DLGAP2: variants seen among roughly 807,000 people sequenced by gnomAD.
The protein encoded by DLGAP2 is disks large-associated protein 2.
Under a neutral mutation model 100.3 loss-of-function variants are expected in DLGAP2, and 26 were observed. The observed-to-expected ratio is 0.26, with a 90% confidence interval of 0.19 to 0.36. The LOEUF is 0.36. DLGAP2 is among the 10% of genes least tolerant of loss of function. The pLI, the probability that DLGAP2 is intolerant of heterozygous loss-of-function variation, is 1.00. For synonymous variants in DLGAP2, 886 were observed against 630.1 expected (o/e 1.41, Z -6.08); for missense variants, 1,858 against 1,453.2 (o/e 1.28, Z -4.53).
At chr8:1,474,205 T>C (rs1037301609) in intron 3 of DLGAP2, among the ~76,000 whole-genome samples, 2 of 152,200 alleles carry the variant, frequency 1.3e-5, no homozygotes, top group African/African-American at 4.8e-5. Flanking sequence ...TTGAGAATGA[T>C]ATTATTTTAT....
At chr8:882,013 G>GT (rs1190388918) in intron 1 of DLGAP2, among the ~76,000 whole-genome samples, 2 of 152,148 alleles carry the variant, frequency 1.3e-5, no homozygotes, top group East Asian at 3.9e-4. Context: ...GAGGGCATAA[G>GT]TGCTCACCTG....
intron 2 of DLGAP2, among the ~76,000 whole-genome samples, chr8:1,168,116 G>T (rs1427279901): frequency 7.0e-6 from 1 of 142,340 alleles, no homozygotes; most frequent in Non-Finnish European, 1.5e-5. Flanking sequence ...CCACCTATGA[G>T]TGAGAATCTG....
chr8:1,626,383 G>A (rs1320117526), intron 6 of DLGAP2, among the ~76,000 whole-genome samples: 2 of 118,272 alleles, frequency 1.7e-5, no homozygotes, highest in Non-Finnish European at 3.5e-5. Context: ...TCTGGGTGTG[G>A]GTTGGACGGC....
intron 2 of DLGAP2, among the ~76,000 whole-genome samples, chr8:914,249 G>A (rs1047468153): frequency 2.0e-5 from 3 of 152,200 alleles, no homozygotes; most frequent in African/African-American, 7.2e-5. Flanking sequence ...CAGATGCCCC[G>A]GAGCCTCCCC....
At chr8:917,157 C>T (rs377131162) in intron 2 of DLGAP2, among the ~76,000 whole-genome samples, 1 of 152,144 alleles carries the variant, frequency 6.6e-6, no homozygotes, top group Non-Finnish European at 1.5e-5. Flanking sequence ...TGAGTCACCC[C>T]TTTTGCCTAT....
At chr8:1,074,624 G>C (rs1365039953) in intron 2 of DLGAP2, among the ~76,000 whole-genome samples, 1 of 152,166 alleles carries the variant, frequency 6.6e-6, no homozygotes, top group Admixed American at 6.5e-5. Context: ...GACTTGCAAG[G>C]TGAAGATGAG....
intron 3 of DLGAP2, among the ~76,000 whole-genome samples, chr8:1,265,749 A>G (rs1294827443): frequency 6.6e-6 from 1 of 152,216 alleles, no homozygotes; most frequent in Non-Finnish European, 1.5e-5. Context: ...CGTAGTCAAT[A>G]CTGATGCCAG....
intron 3 of DLGAP2, among the ~76,000 whole-genome samples, chr8:1,272,808 A>G (rs574956812): frequency 1.3e-5 from 2 of 152,304 alleles, no homozygotes; most frequent in African/African-American, 4.8e-5. Context: ...AAGAAGGTCC[A>G]TGAGCTGCCG....
rs374560607 is a variant in DLGAP2, at chr8:972,950, A to G, written c.73+64984A>G. On this transcript the variant is annotated intron_variant, in intron 2 of 14. Coordinates refer to ENST00000637795, the MANE Select transcript of DLGAP2 (RefSeq NM_001346810.2). ...CCGTGTTGGGGGTAAGGTCATAGAT[A>G]ACAGCATTCCAAGGCAGAAGAATTT... is the stretch of plus-strand genomic sequence containing the variant. 1.5e-3 allele frequency among the ~76,000 whole-genome samples: 233 copies of G among 152,330 alleles called. 9 individuals carry two copies. The South Asian group carries it at 0.047, about 30-fold the overall frequency.
chr8:1,315,223 GCA>G, intron 3 of DLGAP2, among the ~76,000 whole-genome samples: 2 of 152,168 alleles, frequency 1.3e-5, no homozygotes, highest in African/African-American at 4.8e-5. Flanking sequence ...TAGAGCGTGT[GCA>G]AGTACAGTGT....
chr8:1,205,985 T>C (rs1024453084), intron 2 of DLGAP2, among the ~76,000 whole-genome samples: 1 of 152,158 alleles, frequency 6.6e-6, no homozygotes, highest in Non-Finnish European at 1.5e-5. Context: ...AGACCTCATC[T>C]CAAGGAAACA....
chr8:795,718 C>CGTCCAGTGAGAGCAGGT (rs1796015539), intron 1 of DLGAP2, among the ~76,000 whole-genome samples: 1 of 121,110 alleles, frequency 8.3e-6, no homozygotes. Context: ...TGAGAGCAGG[C>CGTCCAGTGAGAGCAGGT]GTCCAGTGAG....
chr8:1,007,267 T>TGCA (rs1261708731), intron 2 of DLGAP2, among the ~76,000 whole-genome samples: 1 of 152,202 alleles, frequency 6.6e-6, no homozygotes. Flanking sequence ...ACGGGTTGTC[T>TGCA]CTGTGACTGC....
rs149201103 is a variant in DLGAP2 at position 1,368,345 on chromosome 8, G to C, written c.106+109462G>C. On this transcript the variant is annotated intron_variant, in intron 3 of 14. Transcript: ENST00000637795. ...TGTGTGCATGCATGTGTGTGTGCAT[G>C]CGTGTGTATATATGTGTATGGGTGC... 7.1e-3 allele frequency among the ~76,000 whole-genome samples: 1,075 copies of C among 151,990 alleles called. 12 individuals carry two copies. The highest frequency in any genetic ancestry group is 0.024 in the African/African-American group (1,013 of 41,432).
chr8:1,431,876 C>G (rs1169601264), intron 3 of DLGAP2, among the ~76,000 whole-genome samples: 1 of 152,176 alleles, frequency 6.6e-6, no homozygotes, highest in South Asian at 2.1e-4. Context: ...ACCCAGCACC[C>G]CATGCCAGCC....
intron 2 of DLGAP2, among the ~76,000 whole-genome samples, chr8:1,144,892 C>G (rs1253263491): frequency 2.7e-5 from 4 of 149,026 alleles, no homozygotes; most frequent in Non-Finnish European, 3.0e-5. Flanking sequence ...CGGCCTGTAC[C>G]CACAGTCAAA....
chr8:1,586,421 AC>A (rs1443130126), intron 6 of DLGAP2, among the ~76,000 whole-genome samples: 1 of 151,416 alleles, frequency 6.6e-6, no homozygotes, highest in Non-Finnish European at 1.5e-5. Flanking sequence ...CACTCTGCAG[AC>A]CCCTCCTGTC....
intron 1 of DLGAP2, among the ~76,000 whole-genome samples, chr8:904,291 G>C (rs921342966): frequency 1.3e-5 from 2 of 152,152 alleles, no homozygotes; most frequent in Non-Finnish European, 2.9e-5. Flanking sequence ...AGGCCGAGGT[G>C]GGTGGATTGC....
chr8:1,028,286 C>T (rs1293106267), intron 2 of DLGAP2, among the ~76,000 whole-genome samples: 3 of 134,018 alleles, frequency 2.2e-5, no homozygotes, highest in South Asian at 5.2e-4. Context: ...GGGTGTCAGG[C>T]GCCCGTTATT....
Sources: gnomAD v4.1 joint callset for allele counts (sites outside exome capture counted in the v4.1 genomes callset) on GRCh38, gnomAD v4.1.1 for gene constraint, MANE v1.5 for transcripts, NCBI Gene and HGNC (gene_info 2026-07-23, HGNC 2026-07-21) for gene names.